Variants in CDH18 observed in about 807,000 individuals in gnomAD.
CDH18 encodes the protein cadherin 18, also known as cadherin-18.
Under a neutral mutation model 67.9 loss-of-function variants are expected in CDH18, and 31 were observed. The observed-to-expected ratio is 0.46, with a 90% CI of 0.34 to 0.62. The LOEUF (loss-of-function observed/expected upper bound fraction) is 0.62. Among genes scored for constraint, CDH18 ranks in the 20% least tolerant of loss-of-function variants. The probability of loss-of-function intolerance (pLI) is 0.01; values close to 1 mark genes in which losing one functional copy is unlikely to be tolerated. For missense variants in CDH18, 890 were observed against 975.5 expected, an observed-to-expected ratio of 0.91 and a Z score of 1.17; for synonymous variants, 362 against 347.2, an observed-to-expected ratio of 1.04 and a Z score of -0.48.
chr5:19,775,148 T>C (rs763336803), intron 3 of CDH18, among the ~76,000 whole-genome samples: 4 of 152,078 alleles, frequency 2.6e-5, no homozygotes, highest in Admixed American at 1.3e-4. Context: ...TGCACCATAC[T>C]GGAAAAGCAG....
chr5:20,409,599 TCAACAAA>T (rs1440143986), intron 1 of CDH18, among the ~76,000 whole-genome samples: 1 of 151,168 alleles, frequency 6.6e-6, no homozygotes, highest in African/African-American at 2.4e-5. Context: ...ACTTTACATC[TCAACAAA>T]CAAGAAAAAG....
chr5:20,171,138 T>C (rs1487493915), intron 2 of CDH18, among the ~76,000 whole-genome samples: 1 of 152,144 alleles, frequency 6.6e-6, no homozygotes, highest in African/African-American at 2.4e-5. Context: ...TTTGGGTTGA[T>C]TCCATGTCTT....
intron 2 of CDH18, among the ~76,000 whole-genome samples, chr5:20,090,559 C>T (rs13183763): frequency 0.44 from 66,041 of 151,608 alleles, 15,286 homozygotes; most frequent in Middle Eastern, 0.67. Context: ...AAAAAACAAA[C>T]AAACAAACAA....
rs115968987 is a variant in CDH18 at position 19,498,373 on chromosome 5, T to C, written c.1630+4619A>G. Among the ~76,000 whole-genome samples the C allele has an allele frequency of 5.6e-3, 850 of 152,172 alleles. 6 individuals carry two copies. The highest frequency in any genetic ancestry group is 8.1e-3 in the Non-Finnish European group (554 of 67,994). The stretch of plus-strand genomic sequence containing the variant: ...GAGAAATTGTGCCCTAGCATGAACA[T>C]CCTGAGGAGAAGAATTGAAGATCTG... On this transcript the variant is annotated intron_variant, in intron 11 of 12. Coordinates refer to ENST00000382275, the MANE Select transcript of CDH18 (RefSeq NM_004934.5).
chr5:19,544,623 CTT>C (rs890921966), intron 8 of CDH18, among the ~76,000 whole-genome samples: 14 of 152,060 alleles, frequency 9.2e-5, no homozygotes, highest in African/African-American at 3.4e-4. Flanking sequence ...GTAGAGTTCT[CTT>C]ATATTGCGTT....
chr5:20,471,821 C>G (rs1470735920), intron 1 of CDH18, among the ~76,000 whole-genome samples: 3 of 77,816 alleles, frequency 3.9e-5, no homozygotes, highest in African/African-American at 1.5e-4. Flanking sequence ...GGCAACAGAT[C>G]GAGATTCAGT....
rs147743316 is a variant in CDH18, at chr5:20,552,431, C to A, written c.-580+23031G>T. 2.3e-4 allele frequency among the ~76,000 whole-genome samples: 35 copies of A among 152,224 alleles called. No individual in the cohort carries two copies. In the East Asian group the frequency reaches 6.0e-3, roughly 26 times the overall value. ...GGTGGAGTTTGCTGTGAGCAGAGACCATGCCACTGTACTCCAGTCTGGGTG... is the reference window on the plus strand; with the variant it reads ...GGTGGAGTTTGCTGTGAGCAGAGACAATGCCACTGTACTCCAGTCTGGGTG... On this transcript the variant is annotated intron_variant, in intron 1 of 14. Coordinates refer to the CDH18 transcript ENST00000507958.
rs1030523526 is a variant in CDH18, at chr5:20,445,898, T to C, written c.-580+129564A>G. The stretch of plus-strand genomic sequence containing the variant: ...ATACACTCTCAGAGGGAGAGTGGGC[T>C]GATTTCTGCGAAGTGAAATCAACTG... On this transcript the variant is annotated intron_variant, in intron 1 of 14. Transcript: ENST00000507958. Among the ~76,000 whole-genome samples, 20 of 152,146 alleles carry C rather than the reference T, an allele frequency of 1.3e-4. 1 individual carries two copies. The highest frequency in any genetic ancestry group is 4.6e-4 in the African/African-American group (19 of 41,438).
intron 1 of CDH18, chr5:20,331,349 T>G (rs1739160707): frequency 6.6e-6 from 1 of 152,234 alleles, no homozygotes; most frequent in Admixed American, 6.5e-5. Context: ...TTCTTTCTTT[T>G]CTTTAGGTCC....
intron 2 of CDH18, among the ~76,000 whole-genome samples, chr5:19,972,530 G>T (rs1798124132): frequency 1.3e-5 from 2 of 151,524 alleles, no homozygotes; most frequent in East Asian, 3.9e-4. Flanking sequence ...AATGTTCACT[G>T]CATTATTCTT....
At chr5:19,994,996 G>A (rs73762480) in intron 2 of CDH18, among the ~76,000 whole-genome samples, 34,689 of 149,930 alleles carry the variant, frequency 0.23, 6,691 homozygotes, top group African/African-American at 0.52. Flanking sequence ...CAGTCCAAAC[G>A]TGAAGGCTTG....
intron 8 of CDH18, among the ~76,000 whole-genome samples, chr5:19,550,735 T>G (rs1447866497): frequency 6.6e-6 from 1 of 152,194 alleles, no homozygotes; most frequent in Non-Finnish European, 1.5e-5. Context: ...TGTGTGCATG[T>G]GTCTTTATAG....
At chr5:20,539,494 C>T (rs1033624131) in intron 1 of CDH18, among the ~76,000 whole-genome samples, 2 of 151,806 alleles carry the variant, frequency 1.3e-5, no homozygotes, top group Non-Finnish European at 2.9e-5. Context: ...ATCAGAAGAC[C>T]GTACGCAATA....
chr5:20,312,092 C>A (rs1314428770), intron 1 of CDH18, among the ~76,000 whole-genome samples: 1 of 152,092 alleles, frequency 6.6e-6, no homozygotes, highest in Non-Finnish European at 1.5e-5. Flanking sequence ...TGTCAGTATT[C>A]TTTTTCCCTC....
intron 3 of CDH18, among the ~76,000 whole-genome samples, chr5:19,823,055 G>A (rs1367400073): frequency 6.6e-6 from 1 of 152,184 alleles, no homozygotes. Flanking sequence ...TCAAAGAAGA[G>A]AAATATGGCT....
At chr5:19,888,354 C>T (rs1788447374) in intron 2 of CDH18, among the ~76,000 whole-genome samples, 1 of 151,890 alleles carries the variant, frequency 6.6e-6, no homozygotes, top group Non-Finnish European at 1.5e-5. Flanking sequence ...TATATATTTC[C>T]TTTTATTTAT....
chr5:20,064,345 C>T (rs1381149067), intron 2 of CDH18, among the ~76,000 whole-genome samples: 3 of 152,046 alleles, frequency 2.0e-5, no homozygotes, highest in Non-Finnish European at 2.9e-5. Flanking sequence ...GATGAATTGA[C>T]TTTATCAAGA....
At chr5:20,108,445 G>C (rs1223663538) in intron 2 of CDH18, among the ~76,000 whole-genome samples, 1 of 152,008 alleles carries the variant, frequency 6.6e-6, no homozygotes, top group East Asian at 1.9e-4. Context: ...GAGGAACTAG[G>C]GGTTAGGACT....
At chr5:19,664,741 C>T (rs774011214) in intron 5 of CDH18, among the ~76,000 whole-genome samples, 2 of 151,896 alleles carry the variant, frequency 1.3e-5, no homozygotes, top group Non-Finnish European at 2.9e-5. Context: ...AAATTCTATG[C>T]CCCTCACTGC....
Sources: allele counts gnomAD v4.1 joint callset (sites outside exome capture counted in the v4.1 genomes callset), GRCh38; gene constraint gnomAD v4.1.1; transcripts MANE v1.5; gene names NCBI Gene and HGNC (gene_info 2026-07-23, HGNC 2026-07-21).